AHCTF1: variants seen among roughly 807,000 people sequenced by gnomAD.
AHCTF1 encodes the protein AT-hook containing transcription factor 1.
In AHCTF1, 24 loss-of-function variants were observed where a neutral mutation model predicts 248.4. The ratio of observed to expected loss-of-function variants is 0.10; its 90% CI spans 0.07 to 0.14. The LOEUF is 0.14. Among genes scored for constraint, AHCTF1 ranks in the 10% least tolerant of loss-of-function variants. The pLI, the probability that AHCTF1 is intolerant of heterozygous loss-of-function variation, is 1.00. For synonymous variants in AHCTF1, 786 were observed against 929.8 expected (o/e 0.85, Z 2.81); for missense variants, 2,206 against 2,636.2 (o/e 0.84, Z 3.57).
chr1:246,858,944 T>A (rs1049549861), intron 29 of AHCTF1, among the ~76,000 whole-genome samples: 4 of 152,162 alleles, frequency 2.6e-5, no homozygotes, highest in African/African-American at 9.7e-5. Context: ...AAGAGCAATG[T>A]AGGCCAGGAC....
intron 14 of AHCTF1, 88 bp from the exon 15 acceptor site, chr1:246,892,007 A>G: frequency 7.6e-7 from 1 of 1,323,160 alleles, no homozygotes; most frequent in Non-Finnish European, 1.0e-6. Flanking sequence ...AACTCCTATC[A>G]CTCAAAAGAA....
At chr1:246,928,934 T>C (rs1019007261) in intron 1 of AHCTF1, among the ~76,000 whole-genome samples, 7 of 152,186 alleles carry the variant, frequency 4.6e-5, no homozygotes, top group South Asian at 4.1e-4. Flanking sequence ...TAAAACACCG[T>C]GTTAGTAAAG....
At chr1:246,879,245 C>T (rs1412177559) in intron 21 of AHCTF1, among the ~76,000 whole-genome samples, 3 of 152,068 alleles carry the variant, frequency 2.0e-5, no homozygotes, top group Admixed American at 2.0e-4. Context: ...ATTAAAACTA[C>T]CATTTTTACC....
At chr1:246,890,135 GTAATT>G in intron 16 of AHCTF1, 76 bp from the exon 17 acceptor site, 1 of 1,071,424 alleles carries the variant, frequency 9.3e-7, no homozygotes, top group South Asian at 1.5e-5. Context: ...ATATTTTACT[GTAATT>G]TAATATTTAC....
intron 4 of AHCTF1, among the ~76,000 whole-genome samples, chr1:246,909,565 G>T (rs1438390097): frequency 1.3e-5 from 2 of 152,158 alleles, no homozygotes; most frequent in Non-Finnish European, 2.9e-5. Context: ...CAGTATTGCA[G>T]TGCTTGTGTT....
In AHCTF1 at chr1:246,876,128, C is replaced by A. The variant is rs753632271; in HGVS notation, c.2997G>T (p.Gln999His). Residue 999 changes from glutamine (Q) to histidine (H), a missense_variant, in exon 24 of 36, where the codon CAG becomes CAT. Coordinates refer to ENST00000648844, the MANE Select transcript of AHCTF1 (RefSeq NM_001323342.2). ...RSLARNSILD[Q>H]YGKILPRVHR... ...GGACTCTAGGAAGGATTTTTCCATACTGGTCTAATATAGAATTTCGAGCCA... is the reference window on the plus strand; with the variant it reads ...GGACTCTAGGAAGGATTTTTCCATAATGGTCTAATATAGAATTTCGAGCCA... 1 of 1,609,370 alleles carries A rather than the reference C, an allele frequency of 6.2e-7. No homozygotes were observed. Among genetic ancestry groups the A allele is most frequent in the Admixed American group, 1.7e-5 (1 of 59,828 alleles).
intron 1 of AHCTF1, among the ~76,000 whole-genome samples, chr1:246,919,835 A>G (rs1024206058): frequency 6.6e-6 from 1 of 151,962 alleles, no homozygotes; most frequent in Admixed American, 6.6e-5. Context: ...TCTCAAAGTT[A>G]AAGCAACAAA....
chr1:246,888,109 T>C, intron 19 of AHCTF1, 68 bp downstream of exon 19: 1 of 1,542,768 alleles, frequency 6.5e-7, no homozygotes, highest in Non-Finnish European at 8.9e-7. Flanking sequence ...TATGTCAGGT[T>C]TCCACTACTC....
At chr1:246,854,510 T>C (rs1296730557) in intron 31 of AHCTF1, among the ~76,000 whole-genome samples, 2 of 152,126 alleles carry the variant, frequency 1.3e-5, no homozygotes, top group South Asian at 2.1e-4. Flanking sequence ...AAAACACTAT[T>C]AGAGCTGTTA....
rs892626089 is a variant in AHCTF1 at position 246,898,666 on chromosome 1, G to A, written c.1495-330C>T. Among the ~76,000 whole-genome samples, 14 of 131,946 alleles carry A rather than the reference G, an allele frequency of 1.1e-4. No homozygotes were observed. In the South Asian group the frequency reaches 2.3e-3, roughly 22 times the overall value. The allele number at this position is 131,946 out of a possible 152,430, so 86.6% of individuals were successfully genotyped here. ...CACACACACACACACACACACACAG[G>A]AAAACTCCTGCAGTCTACTCCTCTT... On this transcript the variant is annotated intron_variant, in intron 11 of 35. Transcript: ENST00000648844.
At chr1:246,881,546 A>G (rs541111401) in intron 21 of AHCTF1, among the ~76,000 whole-genome samples, 10 of 152,162 alleles carry the variant, frequency 6.6e-5, no homozygotes, top group African/African-American at 9.7e-5. Flanking sequence ...TTTAAATAGA[A>G]GCAGGGTCAG....
At chr1:246,859,687 CCT>C (rs1390594064) in intron 29 of AHCTF1, among the ~76,000 whole-genome samples, 3 of 152,126 alleles carry the variant, frequency 2.0e-5, no homozygotes, top group Admixed American at 1.3e-4. Flanking sequence ...GCGATCCTCC[CCT>C]CTCAGTGTCC....
chr1:246,907,803 GC>G (rs1159817237), intron 4 of AHCTF1, 45 bp from the exon 5 acceptor site: 2 of 1,507,208 alleles, frequency 1.3e-6, no homozygotes, highest in African/African-American at 1.4e-5. Context: ...ACTAGAAACA[GC>G]ATTAAAAGCA....
Position 246,889,959 on chromosome 1 carries a change from A to T in AHCTF1, c.2144+7T>A, listed in dbSNP as rs1401453919. On this transcript the variant is annotated splice_region_variant and intron_variant, in intron 17 of 35. Transcript: ENST00000648844. ...CAGATGTAATTTCTAAAATTGTTTT[A>T]CTATACCTTGATAAACGCTCAAACT... 6.2e-7 allele frequency: 1 copy of T among 1,604,466 alleles called. No individual in the cohort carries two copies. Among genetic ancestry groups the T allele is most frequent in the Admixed American group, 1.7e-5 (1 of 59,414 alleles).
At chr1:246,867,162 A>C in intron 26 of AHCTF1, 82 bp downstream of exon 26, 1 of 709,160 alleles carries the variant, frequency 1.4e-6, no homozygotes, top group Non-Finnish European at 2.2e-6. Flanking sequence ...AAAAGTCTAT[A>C]AAATGTTAAA....
At chr1:246,886,973 T>C (rs1177842771) in intron 20 of AHCTF1, among the ~76,000 whole-genome samples, 1 of 152,192 alleles carries the variant, frequency 6.6e-6, no homozygotes, top group African/African-American at 2.4e-5. Context: ...ATCTGAACTA[T>C]CGTAATTACT....
At chr1:246,896,714 G>A (rs1273387704) in intron 12 of AHCTF1, among the ~76,000 whole-genome samples, 4 of 152,134 alleles carry the variant, frequency 2.6e-5, no homozygotes, top group Non-Finnish European at 5.9e-5. Flanking sequence ...GAACTGCACG[G>A]TGTATGAAAT....
chr1:246,916,744 T>C (rs1273374462), intron 2 of AHCTF1, among the ~76,000 whole-genome samples: 5 of 152,166 alleles, frequency 3.3e-5, no homozygotes, highest in Non-Finnish European at 5.9e-5. Flanking sequence ...CACCTCAATG[T>C]AGAGATAAGG....
At chr1:246,846,686 TG>T (rs1660284336) in intron 33 of AHCTF1, among the ~76,000 whole-genome samples, 2 of 149,896 alleles carry the variant, frequency 1.3e-5, no homozygotes, top group South Asian at 2.1e-4. Flanking sequence ...AATGCCAATA[TG>T]AAAAAAAAAG....
Sources: allele counts gnomAD v4.1 joint callset (sites outside exome capture counted in the v4.1 genomes callset), GRCh38; gene constraint gnomAD v4.1.1; transcripts MANE v1.5; gene names NCBI Gene and HGNC (gene_info 2026-07-23, HGNC 2026-07-21).